Variants in CLIC5 observed in about 807,000 individuals in gnomAD.
CLIC5 encodes chloride intracellular channel protein 5.
In CLIC5, 20 loss-of-function variants were observed where a neutral mutation model predicts 24.7. The ratio of observed to expected loss-of-function variants is 0.81; its 90% CI spans 0.57 to 1.18. The LOEUF (loss-of-function observed/expected upper bound fraction) is 1.18. Among genes scored for constraint, CLIC5 ranks in the 50% most tolerant of loss-of-function variants. CLIC5 has a pLI of 0.00. For missense variants in CLIC5, 341 were observed against 326.1 expected, an observed-to-expected ratio of 1.05 and a Z score of -0.35; for synonymous variants, 159 against 135.6, an observed-to-expected ratio of 1.17 and a Z score of -1.20.
At chr6:45,955,666 T>C (rs1378947652) in intron 1 of CLIC5, among the ~76,000 whole-genome samples, 1 of 152,054 alleles carries the variant, frequency 6.6e-6, no homozygotes, top group Non-Finnish European at 1.5e-5. Flanking sequence ...ATTCTGAGGA[T>C]TGCTCTAACA....
chr6:45,970,220 T>C (rs1229043908), intron 1 of CLIC5, among the ~76,000 whole-genome samples: 1 of 152,172 alleles, frequency 6.6e-6, no homozygotes, highest in Middle Eastern at 3.2e-3. Flanking sequence ...TGAGCCCCTA[T>C]AGAACTTACA....
intron 1 of CLIC5, among the ~76,000 whole-genome samples, chr6:46,075,642 G>T (rs182937937): frequency 6.6e-6 from 1 of 152,226 alleles, no homozygotes; most frequent in East Asian, 1.9e-4. Context: ...CATAATAAAT[G>T]ACATAAATTA....
At chr6:46,100,598 G>A in the CLIC5 span, among the ~76,000 whole-genome samples, 4 of 152,210 alleles carry the variant, frequency 2.6e-5, no homozygotes, top group Non-Finnish European at 4.4e-5. Context: ...GGCTCAAGTG[G>A]ATGGGTGCCA....
intron 1 of CLIC5, among the ~76,000 whole-genome samples, chr6:46,038,249 G>A (rs1767717160): frequency 6.6e-6 from 1 of 152,184 alleles, no homozygotes; most frequent in Non-Finnish European, 1.5e-5. Context: ...CAGACTGCAT[G>A]GCTGAATAAT....
chr6:46,019,542 CG>C (rs1284369548), upstream of CLIC5, among the ~76,000 whole-genome samples: 1 of 150,506 alleles, frequency 6.6e-6, no homozygotes, highest in Non-Finnish European at 1.5e-5. Flanking sequence ...AAAAATTAGC[CG>C]GGCGCGGTGG....
intron 1 of CLIC5, among the ~76,000 whole-genome samples, chr6:46,044,079 G>A (rs888009458): frequency 7.2e-5 from 11 of 152,184 alleles, no homozygotes; most frequent in East Asian, 3.9e-4. Flanking sequence ...ATCTACCTGC[G>A]GAGCTGCCCA....
intron 2 of CLIC5, among the ~76,000 whole-genome samples, chr6:45,950,318 T>C (rs1402152055): frequency 1.3e-5 from 2 of 151,002 alleles, no homozygotes; most frequent in African/African-American, 4.9e-5. Context: ...CCCACCACTT[T>C]GGGAGGGTGA....
chr6:46,081,814 G>A (rs995531042), upstream of CLIC5, among the ~76,000 whole-genome samples: 3 of 152,198 alleles, frequency 2.0e-5, no homozygotes, highest in African/African-American at 7.2e-5. Context: ...GACTTTAGCT[G>A]TGGTTTTTGA....
intron 1 of CLIC5, among the ~76,000 whole-genome samples, chr6:45,993,936 C>T (rs564224121): frequency 1.3e-5 from 2 of 152,290 alleles, no homozygotes; most frequent in South Asian, 4.1e-4. Context: ...CCCCATTGCT[C>T]TGTTGGGGAA....
chr6:45,912,774 G>A, intron 5 of CLIC5: 1 of 1,374,390 alleles, frequency 7.3e-7, no homozygotes, highest in South Asian at 1.2e-5. Context: ...GATGGGTGGG[G>A]CATGCAGTAG....
intron 4 of CLIC5, among the ~76,000 whole-genome samples, chr6:45,926,162 A>C (rs1016394078): frequency 6.6e-6 from 1 of 151,896 alleles, no homozygotes; most frequent in African/African-American, 2.4e-5. Context: ...TCTAGACACT[A>C]GCACAGAGAA....
chr6:45,935,604 C>T (rs1763901808), intron 4 of CLIC5, among the ~76,000 whole-genome samples: 1 of 152,176 alleles, frequency 6.6e-6, no homozygotes, highest in Non-Finnish European at 1.5e-5. Context: ...GAGGAGGAAC[C>T]CCTCCAGCCA....
At chr6:45,970,468 G>A (rs940537867) in intron 1 of CLIC5, among the ~76,000 whole-genome samples, 1 of 152,114 alleles carries the variant, frequency 6.6e-6, no homozygotes, top group African/African-American at 2.4e-5. Context: ...CAGGCCAAAA[G>A]GGGAAATGAA....
At chr6:46,048,702 G>A (rs1366674332) in intron 1 of CLIC5, among the ~76,000 whole-genome samples, 1 of 152,080 alleles carries the variant, frequency 6.6e-6, no homozygotes, top group Non-Finnish European at 1.5e-5. Context: ...GCCTGGGAGG[G>A]AGTTGAGGCT....
chr6:45,931,397 T>A (rs1426048110), intron 4 of CLIC5, among the ~76,000 whole-genome samples: 2 of 152,168 alleles, frequency 1.3e-5, no homozygotes, highest in African/African-American at 4.8e-5. Context: ...TGAACTTGAT[T>A]CACTTTTTTT....
intron 1 of CLIC5, among the ~76,000 whole-genome samples, chr6:45,968,230 C>T (rs543118364): frequency 1.3e-5 from 2 of 152,294 alleles, no homozygotes; most frequent in African/African-American, 4.8e-5. Flanking sequence ...GGCCAGCATG[C>T]CTCTCCCCAC....
At chr6:45,967,788 CAA>C (rs1491405525) in intron 1 of CLIC5, among the ~76,000 whole-genome samples, 4 of 151,786 alleles carry the variant, frequency 2.6e-5, no homozygotes, top group East Asian at 1.9e-4. Flanking sequence ...AAAGCAGGGG[CAA>C]GAGAGAGAGA....
intron 1 of CLIC5, among the ~76,000 whole-genome samples, chr6:46,006,113 CACATGTATAAATACAT>C (rs1561999022): frequency 9.9e-5 from 2 of 20,160 alleles, no homozygotes; most frequent in African/African-American, 5.4e-4. Context: ...TATATATATA[CACATGTATAAATACAT>C]ATATATATAT....
intron 6 of CLIC5, among the ~76,000 whole-genome samples, chr6:45,884,082 G>T (rs1762283762): frequency 6.6e-6 from 1 of 152,172 alleles, no homozygotes; most frequent in Non-Finnish European, 1.5e-5. Flanking sequence ...GAGAGGGTCT[G>T]GGACTGGTTC....
Sources: gnomAD v4.1 joint callset for allele counts (sites outside exome capture counted in the v4.1 genomes callset) on GRCh38, gnomAD v4.1.1 for gene constraint, MANE v1.5 for transcripts, NCBI Gene and HGNC (gene_info 2026-07-23, HGNC 2026-07-21) for gene names.